SLC35F3: variants seen among roughly 807,000 people sequenced by gnomAD.
SLC35F3 encodes putative thiamine transporter SLC35F3.
Under a neutral mutation model 49.9 loss-of-function variants are expected in SLC35F3, and 25 were observed. That is an observed-to-expected ratio of 0.50 (90% CI 0.37 to 0.70). The LOEUF is 0.70. SLC35F3 is among the 30% of genes least tolerant of loss of function. The pLI, the probability that SLC35F3 is intolerant of heterozygous loss-of-function variation, is 0.00. For synonymous variants in SLC35F3, 275 were observed against 265.4 expected, an observed-to-expected ratio of 1.04 and a Z score of -0.35; for missense variants, 525 against 639.8, an observed-to-expected ratio of 0.82 and a Z score of 1.94.
intron 4 of SLC35F3, among the ~76,000 whole-genome samples, chr1:234,315,844 C>G (rs533613282): frequency 3.3e-5 from 5 of 152,328 alleles, no homozygotes; most frequent in African/African-American, 1.2e-4. Context: ...GGTGCATTTT[C>G]TCCTTTGAGG....
chr1:234,200,078 G>T (rs1031307500), intron 2 of SLC35F3, among the ~76,000 whole-genome samples: 4 of 152,194 alleles, frequency 2.6e-5, no homozygotes, highest in Non-Finnish European at 5.9e-5. Context: ...GAGTATGGAG[G>T]TTCCTTCAAA....
At chr1:234,256,975 A>T (rs1467824555) in intron 3 of SLC35F3, among the ~76,000 whole-genome samples, 1 of 152,194 alleles carries the variant, frequency 6.6e-6, no homozygotes, top group East Asian at 1.9e-4. Context: ...AAATTTATGA[A>T]CCTTGTCACT....
intron 2 of SLC35F3, among the ~76,000 whole-genome samples, chr1:234,113,498 G>A (rs1162620817): frequency 6.6e-6 from 1 of 152,226 alleles, no homozygotes; most frequent in Non-Finnish European, 1.5e-5. Flanking sequence ...ATATTAAATT[G>A]TTTAATTATA....
At chr1:234,282,947 A>G (rs1387166090) in intron 3 of SLC35F3, among the ~76,000 whole-genome samples, 1 of 152,226 alleles carries the variant, frequency 6.6e-6, no homozygotes, top group Non-Finnish European at 1.5e-5. Flanking sequence ...TACAAACAAG[A>G]CTAGAAAGAG....
chr1:233,938,242 G>A (rs1662364476), intron 2 of SLC35F3, among the ~76,000 whole-genome samples: 1 of 152,266 alleles, frequency 6.6e-6, no homozygotes, highest in South Asian at 2.1e-4. Context: ...ATACAATAAA[G>A]CTCATCCCTC....
At chr1:234,163,082 C>G (rs1190209337) in intron 2 of SLC35F3, among the ~76,000 whole-genome samples, 1 of 152,238 alleles carries the variant, frequency 6.6e-6, no homozygotes, top group African/African-American at 2.4e-5. Flanking sequence ...GACCGTTTTG[C>G]TCTTTGGGGA....
At chr1:234,001,634 T>TG (rs1439814697) in intron 2 of SLC35F3, among the ~76,000 whole-genome samples, 1 of 152,202 alleles carries the variant, frequency 6.6e-6, no homozygotes, top group East Asian at 1.9e-4. Context: ...CCAGGGGTAT[T>TG]ACTGATGCAG....
intron 2 of SLC35F3, among the ~76,000 whole-genome samples, chr1:234,202,308 G>C (rs558373013): frequency 6.6e-6 from 1 of 152,252 alleles, no homozygotes; most frequent in East Asian, 1.9e-4. Context: ...AAAAAGGTGT[G>C]TGCAAATGCT....
At chr1:234,255,128 A>T (rs192866429) in intron 3 of SLC35F3, among the ~76,000 whole-genome samples, 3 of 152,238 alleles carry the variant, frequency 2.0e-5, no homozygotes, top group Non-Finnish European at 4.4e-5. Flanking sequence ...TGAAAGACTG[A>T]TATCTAAAAC....
At chr1:234,167,096 C>G (rs1187955641) in intron 2 of SLC35F3, among the ~76,000 whole-genome samples, 1 of 152,316 alleles carries the variant, frequency 6.6e-6, no homozygotes, top group East Asian at 1.9e-4. Flanking sequence ...ATTTCAGGAG[C>G]CAGGTTAGAA....
chr1:234,226,956 C>CGT lies in SLC35F3; in HGVS notation c.284-4460_284-4459insTG, dbSNP rs1667294540. Among the ~76,000 whole-genome samples, 4 of 138,194 alleles carry CGT rather than the reference C, an allele frequency of 2.9e-5. 1 individual carries two copies. In the East Asian group the frequency reaches 9.3e-4, roughly 32 times the overall value. The allele number at this position is 138,194 out of a possible 152,430, so 90.7% of individuals were successfully genotyped here. On this transcript the variant is annotated intron_variant, in intron 2 of 7. Coordinates refer to ENST00000366618, the MANE Select transcript of SLC35F3 (RefSeq NM_173508.4). ...CTCCCCCTGCACTGGCGTGCGCGCA[C>CGT]GCGTGCACACACACACACACACACA...
chr1:234,286,588 A>G (rs1399751219), intron 3 of SLC35F3, among the ~76,000 whole-genome samples: 1 of 152,232 alleles, frequency 6.6e-6, no homozygotes, highest in Non-Finnish European at 1.5e-5. Flanking sequence ...TAATACTAGT[A>G]ATATTATGTG....
In SLC35F3 at chr1:234,095,758, G is replaced by C. The variant is rs187043050; in HGVS notation, c.284-135659G>C. 1.1e-4 allele frequency among the ~76,000 whole-genome samples: 16 copies of C among 152,280 alleles called. No individual in the cohort carries two copies. The East Asian group carries it at 2.9e-3, about 28-fold the overall frequency. On this transcript the variant is annotated intron_variant, in intron 2 of 7. Coordinates refer to ENST00000366618, the MANE Select transcript of SLC35F3 (RefSeq NM_173508.4). ...TTACTTGCTGGGGGAACTTCAGCAGGTTGTTCCACCTTTCTGTGCCTCAGT... is the reference window on the plus strand; with the variant it reads ...TTACTTGCTGGGGGAACTTCAGCAGCTTGTTCCACCTTTCTGTGCCTCAGT...
chr1:234,284,017 C>T (rs1348321485), intron 3 of SLC35F3, among the ~76,000 whole-genome samples: 1 of 152,102 alleles, frequency 6.6e-6, no homozygotes, highest in Non-Finnish European at 1.5e-5. Flanking sequence ...GCGATCCTTC[C>T]TCCTCAGCAC....
chr1:234,174,241 G>A (rs999555231), intron 2 of SLC35F3, among the ~76,000 whole-genome samples: 1 of 152,192 alleles, frequency 6.6e-6, no homozygotes, highest in African/African-American at 2.4e-5. Flanking sequence ...TTCACCTCAT[G>A]TGTACCCTGA....
intron 2 of SLC35F3, among the ~76,000 whole-genome samples, chr1:234,149,218 G>T (rs1212564802): frequency 6.6e-6 from 1 of 152,114 alleles, no homozygotes; most frequent in African/African-American, 2.4e-5. Context: ...AACATTACAG[G>T]GCCCCTTGGG....
chr1:234,006,803 G>A (rs754976153), intron 2 of SLC35F3, among the ~76,000 whole-genome samples: 1 of 152,166 alleles, frequency 6.6e-6, no homozygotes, highest in Non-Finnish European at 1.5e-5. Flanking sequence ...TATGCTGAAT[G>A]AAGTGGGGAG....
chr1:234,007,817 A>C (rs1042176254), intron 2 of SLC35F3, among the ~76,000 whole-genome samples: 2 of 152,214 alleles, frequency 1.3e-5, no homozygotes, highest in Admixed American at 6.5e-5. Context: ...AGAATTGGTC[A>C]TTAAAAATTC....
chr1:234,081,303 C>T (rs545272394), intron 2 of SLC35F3, among the ~76,000 whole-genome samples: 5 of 152,354 alleles, frequency 3.3e-5, no homozygotes, highest in East Asian at 3.8e-4. Flanking sequence ...TAGATCCTCA[C>T]GCAACTCATG....
Sources: gnomAD v4.1 joint callset for allele counts (sites outside exome capture counted in the v4.1 genomes callset) on GRCh38, gnomAD v4.1.1 for gene constraint, MANE v1.5 for transcripts, NCBI Gene and HGNC (gene_info 2026-07-23, HGNC 2026-07-21) for gene names.